ZFAND2B: variants seen among roughly 807,000 people sequenced by gnomAD.
The protein encoded by ZFAND2B is zinc finger AN1-type containing 2B, also known as AN1-type zinc finger protein 2B.
Under a neutral mutation model 38.2 loss-of-function variants are expected in ZFAND2B, and 27 were observed. The observed-to-expected ratio is 0.71, with a 90% CI of 0.52 to 0.97. ZFAND2B has a LOEUF of 0.97. ZFAND2B is among the 50% of genes least tolerant of loss of function. The pLI, the probability that ZFAND2B is intolerant of heterozygous loss-of-function variation, is 0.00. For synonymous variants in ZFAND2B, 111 were observed against 119.4 expected (o/e 0.93, Z 0.46); for missense variants, 303 against 331.5 (o/e 0.91, Z 0.67).
In ZFAND2B at chr2:219,208,444, G is replaced by A. The variant is rs372552283; in HGVS notation, c.546G>A (p.Pro182=). The A allele has an allele frequency of 6.1e-5, 99 of 1,614,210 alleles. No homozygotes were observed. The African/African-American group carries it at 7.7e-4, about 13-fold the overall frequency. ...TSPSRATTRS[P]SWTAPPVIAL... ...GTCGTAGAGCCACAACCCGATCTCCGTCCTGGACAGCCCCTCCAGTGATTG... is the reference window on the plus strand; with the variant it reads ...GTCGTAGAGCCACAACCCGATCTCCATCCTGGACAGCCCCTCCAGTGATTG... The change falls in exon 6 of 9, where the codon CCG becomes CCA. Residue 182 remains proline (P), a synonymous_variant. Transcript: ENST00000289528.
chr2:219,208,405 C>G, intron 5 of ZFAND2B, 21 bp from the exon 6 acceptor site: 1 of 1,614,252 alleles, frequency 6.2e-7, no homozygotes, highest in South Asian at 1.1e-5. Flanking sequence ...CTGACCTCCA[C>G]CTCTTCAATG....
intron 8 of ZFAND2B, 57 bp from the exon 9 acceptor site, chr2:219,209,205 C>T: frequency 1.3e-6 from 2 of 1,577,142 alleles, no homozygotes; most frequent in South Asian, 1.2e-5. Context: ...GAGGGCTGTC[C>T]CTCATTTCCT....
intron 1 of ZFAND2B, 56 bp downstream of exon 1, chr2:219,207,098 A>C: frequency 2.4e-6 from 3 of 1,239,384 alleles, no homozygotes; most frequent in Non-Finnish European, 3.3e-6. Flanking sequence ...TTTGAACCGC[A>C]GGTTGGGAGG....
At position 219,207,252 on chromosome 2, in the gene ZFAND2B, C is replaced by T. The variant is rs552909524; in HGVS notation, c.56-75C>T. 8.8e-5 allele frequency: 135 copies of T among 1,527,330 alleles called. 2 individuals carry two copies. The South Asian group carries it at 1.4e-3, about 16-fold the overall frequency. 94.6% of individuals were successfully genotyped at this position (1,527,330 alleles called of 1,614,324 possible). On this transcript the variant is annotated intron_variant, in intron 1 of 8. Transcript: ENST00000289528. The stretch of plus-strand genomic sequence containing the variant: ...CGAAAATAGGGTGGCGTTTTCCTTC[C>T]CGAGTGGAAGACTTGAGTGAGAGAG...
At chr2:219,208,694 G>A in intron 7 of ZFAND2B, 55 bp downstream of exon 7, 1 of 1,604,388 alleles carries the variant, frequency 6.2e-7, no homozygotes, top group Non-Finnish European at 8.5e-7. Context: ...GCTTGGTCTG[G>A]AGGCAGGTAG....
In ZFAND2B at chr2:219,207,367, C is replaced by G. The variant is rs763617906; in HGVS notation, c.96C>G (p.Phe32Leu). The G allele has an allele frequency of 3.3e-5, 53 of 1,613,380 alleles. No individual in the cohort carries two copies. The highest frequency in any genetic ancestry group is 4.3e-5 in the Non-Finnish European group (51 of 1,179,424). The change falls in exon 2 of 9, where the codon TTC (phenylalanine) becomes TTG (leucine). Residue 32 changes from phenylalanine to leucine, a missense_variant. Transcript: ENST00000289528. ...PLKCDACSGI[F>L]CADHVAYAQH... ...AGTGTGATGCCTGCTCAGGCATCTT[C>G]TGCGCAGACCATGTGGCCTACGCCC...
chr2:219,207,137 C>A lies in ZFAND2B; in HGVS notation c.55+95C>A, dbSNP rs1162308446. ...GGGTGGGCTCCCAGGCTGGCAATGCCGGGGGGCGGGGCTTGAAGCTGGGGG... is the reference window on the plus strand; with the variant it reads ...GGGTGGGCTCCCAGGCTGGCAATGCAGGGGGGCGGGGCTTGAAGCTGGGGG... On this transcript the variant is annotated intron_variant, in intron 1 of 8. Coordinates refer to ENST00000289528, the MANE Select transcript of ZFAND2B (RefSeq NM_138802.3). The A allele has an allele frequency of 1.9e-4, 137 of 718,826 alleles. 1 individual carries two copies. Among genetic ancestry groups the A allele is most frequent in the African/African-American group, 1.4e-3 (39 of 27,698 alleles). 44.5% of individuals were successfully genotyped at this position (718,826 alleles called of 1,614,324 possible).
Position 219,208,470 on chromosome 2 carries a change from CT to C in ZFAND2B, c.575del (p.Leu192CysfsTer5). ...SPSWTAPPVI[A>X]LQNGLSEDEA... ...TCCTGGACAGCCCCTCCAGTGATTG[CT>C]TTGCAGAATGGCCTGGTGAGTTGGG... is the stretch of plus-strand genomic sequence containing the variant. On this transcript the variant is annotated frameshift_variant, in exon 6 of 9. Coordinates refer to ENST00000289528, the MANE Select transcript of ZFAND2B (RefSeq NM_138802.3). LOFTEE classifies it high-confidence loss of function. The C allele has an allele frequency of 1.2e-6, 2 of 1,614,252 alleles. No individual in the cohort carries two copies. Among genetic ancestry groups the C allele is most frequent in the Non-Finnish European group, 1.7e-6 (2 of 1,180,038 alleles).
At chr2:219,209,092 G>A in intron 8 of ZFAND2B, 43 bp downstream of exon 8, 14 of 1,611,268 alleles carry the variant, frequency 8.7e-6, no homozygotes, top group Non-Finnish European at 1.2e-5. Context: ...TGGAAGGGAG[G>A]AAGAAGTCAG....
chr2:219,209,110 G>A (rs1313146811), intron 8 of ZFAND2B, 61 bp downstream of exon 8: 2 of 1,597,132 alleles, frequency 1.3e-6, no homozygotes, highest in Non-Finnish European at 1.7e-6. Context: ...CAGGGATGGG[G>A]GTTCTTCCTA....
intron 5 of ZFAND2B, 29 bp downstream of exon 5, chr2:219,208,377 T>A (rs1187684789): frequency 1.2e-6 from 2 of 1,613,550 alleles, no homozygotes; most frequent in Non-Finnish European, 1.7e-6. Context: ...CTGCTCCCCC[T>A]TTTTCCCCTT....
intron 4 of ZFAND2B, 53 bp downstream of exon 4, chr2:219,208,091 G>T: frequency 6.2e-7 from 1 of 1,612,802 alleles, no homozygotes; most frequent in South Asian, 1.1e-5. Context: ...TTTTGGAACT[G>T]ACTCAAGCTC....
intron 1 of ZFAND2B, 54 bp downstream of exon 1, chr2:219,207,096 G>T: frequency 2.0e-6 from 3 of 1,501,582 alleles, no homozygotes; most frequent in Non-Finnish European, 2.7e-6. Flanking sequence ...ACTTTGAACC[G>T]CAGGTTGGGA....
At chr2:219,208,086 G>A in intron 4 of ZFAND2B, 48 bp downstream of exon 4, 1 of 1,613,186 alleles carries the variant, frequency 6.2e-7, no homozygotes, top group South Asian at 1.1e-5. Context: ...CATTCTTTTG[G>A]AACTGACTCA....
rs377182830 is a variant in ZFAND2B, at chr2:219,207,045, G to A, written c.55+3G>A. 1.2e-6 allele frequency: 2 copies of A among 1,603,750 alleles called. No homozygotes were observed. On this transcript the variant is annotated splice_donor_region_variant and intron_variant, in intron 1 of 8. Transcript: ENST00000289528. ...GGAGCCGAGCTGTCAGCGCTTGGGTGAGGGGCGGAGCGCGCGGGGGGCGGG... is the reference window on the plus strand; with the variant it reads ...GGAGCCGAGCTGTCAGCGCTTGGGTAAGGGGCGGAGCGCGCGGGGGGCGGG...
Position 219,207,157 on chromosome 2 carries a change from T to TGGG in ZFAND2B, c.55+122_55+124dup, listed in dbSNP as rs66491679. On this transcript the variant is annotated intron_variant, in intron 1 of 8. Coordinates refer to ENST00000289528, the MANE Select transcript of ZFAND2B (RefSeq NM_138802.3). The stretch of plus-strand genomic sequence containing the variant: ...AATGCCGGGGGGCGGGGCTTGAAGC[T>TGGG]GGGGGGGGGTGGTCAGCGGCAGAGG... 2.1e-4 allele frequency: 121 copies of TGGG among 571,868 alleles called. No homozygotes were observed. In the African/African-American group the frequency reaches 2.5e-3, roughly 12 times the overall value. 35.4% of individuals were successfully genotyped at this position (571,868 alleles called of 1,614,324 possible).
rs776264344 is a variant in ZFAND2B, at chr2:219,207,430, G to A, written c.150+9G>A. The A allele has an allele frequency of 1.9e-6, 3 of 1,607,498 alleles. No homozygotes were observed. Among genetic ancestry groups the A allele is most frequent in the African/African-American group, 1.3e-5 (1 of 74,914 alleles). On this transcript the variant is annotated intron_variant, in intron 2 of 8. Transcript: ENST00000289528. The stretch of plus-strand genomic sequence containing the variant: ...GATCTGCTTACCAAAAGGTGAGGGG[G>A]CGATCCTCAGGGTGAAAGCAGGCAG...
intron 1 of ZFAND2B, 48 bp downstream of exon 1, chr2:219,207,090 T>C: frequency 6.6e-7 from 1 of 1,517,730 alleles, no homozygotes; most frequent in Non-Finnish European, 8.8e-7. Flanking sequence ...ACAGGGACTT[T>C]GAACCGCAGG....
chr2:219,208,534 G>C (rs764575491), intron 6 of ZFAND2B, 38 bp from the exon 7 acceptor site: 3 of 1,614,230 alleles, frequency 1.9e-6, no homozygotes, highest in Non-Finnish European at 2.5e-6. Context: ...CACAGAGAGT[G>C]AAGTCCAAGG....
Sources: allele counts gnomAD v4.1 joint callset, GRCh38; gene constraint gnomAD v4.1.1; transcripts MANE v1.5; gene names NCBI Gene and HGNC (gene_info 2026-07-23, HGNC 2026-07-21).